The following DMRT2 variants were observed in gnomAD, a reference collection of about 807,000 sequenced individuals.
DMRT2 encodes the protein doublesex- and mab-3-related transcription factor 2.
In DMRT2, 33 loss-of-function variants were observed where a neutral mutation model predicts 43.5. That is an observed-to-expected ratio of 0.76 (90% CI 0.58 to 1.01). The LOEUF is 1.01. Ranked by LOEUF, DMRT2 falls within the 50% of genes least tolerant of loss-of-function variation. The pLI is 0.00. For synonymous variants in DMRT2, 395 were observed against 309.2 expected (o/e 1.28, Z -2.91); for missense variants, 1,064 against 748.0 (o/e 1.42, Z -4.93).
At chr9:1,053,977 T>C (rs913857100) in intron 3 of DMRT2, among the ~76,000 whole-genome samples, 153 bp downstream of exon 3, 4 of 152,210 alleles carry the variant, frequency 2.6e-5, no homozygotes, top group Admixed American at 2.6e-4. Context: ...GCTGAGCCCG[T>C]ACGCTAAAAC....
Position 1,056,050 on chromosome 9 carries a change from T to C in DMRT2, c.629-166T>C, listed in dbSNP as rs542434676. The C allele has an allele frequency of 2.8e-6, 4 of 1,430,864 alleles. No individual in the cohort carries two copies. The South Asian group carries it at 6.6e-5, about 23-fold the overall frequency. 88.6% of individuals were successfully genotyped at this position (1,430,864 alleles called of 1,614,324 possible). The stretch of plus-strand genomic sequence containing the variant: ...GATATCTTTCACCCTCCCAGGAAAC[T>C]CTTTCAAACCTAATCTGTACTTTTG... On this transcript the variant is annotated intron_variant, in intron 3 of 3. Coordinates refer to ENST00000358146, the MANE Select transcript of DMRT2 (RefSeq NM_181872.6).
At position 1,052,030 on chromosome 9, in the gene DMRT2, G is replaced by A. The variant is rs964673440; in HGVS notation, c.417G>A (p.Lys139=). ...TGGTGTCCTGCCTGAAGGGCCACAA[G>A]CGCTTCTGTCGCTGGCGCGACTGCC... is the stretch of plus-strand genomic sequence containing the variant. ...HGVVSCLKGH[K]RFCRWRDCQC... is the part of the protein sequence containing the mutation. Residue 139 remains lysine (K), a synonymous_variant, in exon 2 of 4, where the codon AAG becomes AAA. Transcript: ENST00000358146. The A allele has an allele frequency of 3.4e-6, 5 of 1,476,232 alleles. No individual in the cohort carries two copies. The highest frequency in any genetic ancestry group is 2.6e-5 in the South Asian group (2 of 78,186). 91.4% of individuals were successfully genotyped at this position (1,476,232 alleles called of 1,614,324 possible).
chr9:1,051,430 C>G lies in DMRT2; in HGVS notation c.-44-140C>G. On this transcript the variant is annotated intron_variant, in intron 1 of 3. Transcript: ENST00000358146. This position sits in a 1 kb window ranked among gnomAD's most constrained non-coding sequence, Gnocchi z 5.9. ...GGAGATACAGGAAAGGCACGTGTGG[C>G]CTGGAAGTGAGGGACATGTAATGAG... 1 of 987,900 alleles carries G rather than the reference C, an allele frequency of 1.0e-6. No individual in the cohort carries two copies. The highest frequency in any genetic ancestry group is 2.3e-5 in the South Asian group (1 of 44,400). The allele number at this position is 987,900 out of a possible 1,614,324, so 61.2% of individuals were successfully genotyped here.
At chr9:1,055,613 A>C (rs1821923654) in intron 3 of DMRT2, 273 of 969,506 alleles carry the variant, frequency 2.8e-4, no homozygotes, top group Non-Finnish European at 3.5e-4. Flanking sequence ...GTGTTTGACT[A>C]GTTAACAGCT....
intron 3 of DMRT2, chr9:1,055,660 CT>C (rs537878305): frequency 1.5e-4 from 208 of 1,400,900 alleles, no homozygotes; most frequent in South Asian, 5.3e-4. Flanking sequence ...TTTCTTAAGC[CT>C]TTTTTTTCTT....
At position 1,051,453 on chromosome 9, in the gene DMRT2, G is replaced by A. The variant is rs1220423197; in HGVS notation, c.-44-117G>A. 2 of 1,233,800 alleles carry A rather than the reference G, an allele frequency of 1.6e-6. No individual in the cohort carries two copies. Among genetic ancestry groups the A allele is most frequent in the South Asian group, 3.6e-5 (2 of 55,524 alleles). The allele number at this position is 1,233,800 out of a possible 1,614,324, so 76.4% of individuals were successfully genotyped here. A position where few individuals can be genotyped will look rare whatever the true frequency, so the allele number is the denominator to read the frequency against. On this transcript the variant is annotated intron_variant, in intron 1 of 3. Transcript: ENST00000358146. This position sits in a 1 kb window ranked among gnomAD's most constrained non-coding sequence, Gnocchi z 5.9. ...GGCCTGGAAGTGAGGGACATGTAAT[G>A]AGAACAGGATGACTCAAGCGGCCGG...
rs1376280802 is a variant in DMRT2, at chr9:1,056,079, C to T, written c.629-137C>T. 7.5e-6 allele frequency: 11 copies of T among 1,471,774 alleles called. No individual in the cohort carries two copies. In the East Asian group the frequency reaches 2.6e-4, roughly 34 times the overall value. 91.2% of individuals were successfully genotyped at this position (1,471,774 alleles called of 1,614,324 possible). Reference sequence around the variant, plus strand: ...TCAAACCTAATCTGTACTTTTGCATCTGTATAAAAATATCAGTGAGATGGA... The same window carrying T: ...TCAAACCTAATCTGTACTTTTGCATTTGTATAAAAATATCAGTGAGATGGA... On this transcript the variant is annotated intron_variant, in intron 3 of 3. Coordinates refer to ENST00000358146, the MANE Select transcript of DMRT2 (RefSeq NM_181872.6).
intron 2 of DMRT2, among the ~76,000 whole-genome samples, chr9:1,052,478 G>A (rs185143198): frequency 6.6e-6 from 1 of 152,034 alleles, no homozygotes; most frequent in African/African-American, 2.4e-5. Context: ...GGGGGCTTGG[G>A]GGGAGAGTGG....
rs1240005022 is a variant in DMRT2, at chr9:1,051,217, A to G, written c.-44-353A>G. Reference sequence around the variant, plus strand: ...TACTAGTTGAGTATGGGGAAATCCGACAAGTGGCCTGGGGCTGCCTATTTG... The same window carrying G: ...TACTAGTTGAGTATGGGGAAATCCGGCAAGTGGCCTGGGGCTGCCTATTTG... On this transcript the variant is annotated intron_variant, in intron 1 of 3. Transcript: ENST00000358146. The surrounding 1 kb of genome is among the most constrained non-coding windows in gnomAD (Gnocchi z 5.9). 6.6e-6 allele frequency among the ~76,000 whole-genome samples: 1 copy of G among 152,148 alleles called. No individual in the cohort carries two copies. Among genetic ancestry groups the G allele is most frequent in the Non-Finnish European group, 1.5e-5 (1 of 68,024 alleles).
rs944994027 is a variant in DMRT2, at chr9:1,056,654, A to G, written c.1067A>G (p.Tyr356Cys). ...KCGPISDTLL[Y>C]QQCLLNATTS... ...GGCCCCATTAGCGACACCCTCCTCT[A>G]CCAGCAATGCCTGCTAAATGCCACC... Residue 356 changes from tyrosine (Y) to cysteine (C), a missense_variant, in exon 4 of 4, where the codon TAC (tyrosine) becomes TGC (cysteine). Tyr to Cys is a radical substitution (Grantham distance 194). Coordinates refer to ENST00000358146, the MANE Select transcript of DMRT2 (RefSeq NM_181872.6). 5 of 1,614,010 alleles carry G rather than the reference A, an allele frequency of 3.1e-6. No homozygotes were observed. In the African/African-American group the frequency reaches 6.7e-5, roughly 22 times the overall value.
In DMRT2 at chr9:1,057,280, G is replaced by C. The variant is rs765155889; in HGVS notation, c.*7G>C. 5 of 1,594,930 alleles carry C rather than the reference G, an allele frequency of 3.1e-6. No individual in the cohort carries two copies. Among genetic ancestry groups the C allele is most frequent in the Admixed American group, 1.8e-5 (1 of 54,842 alleles). On this transcript the variant is annotated 3_prime_UTR_variant, in exon 4 of 4. Transcript: ENST00000358146. Reference sequence around the variant, plus strand: ...CACTCGTGTCTCTCAGTGAAAGGCTGCTTAAACAGAAAGCTGGATTTTCTG... The same window carrying C: ...CACTCGTGTCTCTCAGTGAAAGGCTCCTTAAACAGAAAGCTGGATTTTCTG...
chr9:1,053,531 C>T (rs959829440), intron 2 of DMRT2, among the ~76,000 whole-genome samples, 191 bp from the exon 3 acceptor site: 5 of 152,214 alleles, frequency 3.3e-5, no homozygotes, highest in African/African-American at 4.8e-5. Context: ...AGCTGAGGTT[C>T]CAGCTCCTTG....
rs536849805 is a variant in DMRT2 at position 1,050,649 on chromosome 9, C to G, written c.-171C>G. The G allele has an allele frequency of 6.6e-6, 1 of 152,504 alleles. No homozygotes were observed. The highest frequency in any genetic ancestry group is 2.4e-5 in the African/African-American group (1 of 41,464). The allele number at this position is 152,504 out of a possible 1,614,324, so 9.4% of individuals were successfully genotyped here. A position where few individuals can be genotyped will look rare whatever the true frequency, so the allele number is the denominator to read the frequency against. ...TTCGTTCCGGGCCTCCAGCTATCAG[C>G]TCCCGATCTCGTGTTTGAGGGTAGC... On this transcript the variant is annotated 5_prime_UTR_variant, in exon 1 of 4. Coordinates refer to ENST00000358146, the MANE Select transcript of DMRT2 (RefSeq NM_181872.6).
chr9:1,052,835 T>A (rs907134724), intron 2 of DMRT2, among the ~76,000 whole-genome samples: 1 of 152,194 alleles, frequency 6.6e-6, no homozygotes, highest in African/African-American at 2.4e-5. Flanking sequence ...CATGTGCGCC[T>A]GGACAGGGAG....
At position 1,057,246 on chromosome 9, in the gene DMRT2, A is replaced by G. The variant is rs780429301; in HGVS notation, c.1659A>G (p.Ser553=). The part of the protein sequence containing the change: ...FSVESILKRP[S]SAITRVSQ ...TTGAGTCTATTCTTAAGAGGCCTTC[A>G]TCTGCCATCACTCGTGTCTCTCAGT... Residue 553 remains serine (S), a synonymous_variant, in exon 4 of 4, where the codon TCA becomes TCG. Coordinates refer to ENST00000358146, the MANE Select transcript of DMRT2 (RefSeq NM_181872.6). The G allele has an allele frequency of 6.2e-7, 1 of 1,612,468 alleles. No homozygotes were observed. Among genetic ancestry groups the G allele is most frequent in the Non-Finnish European group, 8.5e-7 (1 of 1,179,384 alleles).
At position 1,051,684 on chromosome 9, in the gene DMRT2, A is replaced by C. The variant is rs747095088; in HGVS notation, c.71A>C (p.Glu24Ala). Residue 24 changes from glutamate to alanine, a missense_variant, in exon 2 of 4, where the codon GAG becomes GCG. Physicochemically the swap from Glu to Ala is moderately radical, Grantham distance 107. Transcript: ENST00000358146. This position sits in a 1 kb window ranked among gnomAD's most constrained non-coding sequence, Gnocchi z 5.9. ...GATGTCGAGAGCCTGGAGCTGGAAG[A>C]GGACGTCTGCGGGGCGCCGCGGTCC... ...EIDVESLELE[E>A]DVCGAPRSTP... 1 of 1,566,714 alleles carries C rather than the reference A, an allele frequency of 6.4e-7. No individual in the cohort carries two copies. The highest frequency in any genetic ancestry group is 1.2e-5 in the South Asian group (1 of 86,890).
intron 3 of DMRT2, among the ~76,000 whole-genome samples, chr9:1,054,374 A>T (rs998452156): frequency 2.0e-5 from 3 of 151,918 alleles, no homozygotes; most frequent in Non-Finnish European, 2.9e-5. Flanking sequence ...TTAGTCTGGA[A>T]GTTCAACCTC....
rs904523092 is a variant in DMRT2, at chr9:1,054,635, T to G, written c.628+811T>G. 5 of 152,208 alleles carry G rather than the reference T, an allele frequency of 3.3e-5. No individual in the cohort carries two copies. In the East Asian group the frequency reaches 9.6e-4, roughly 29 times the overall value. The allele number at this position is 152,208 out of a possible 1,614,324, so 9.4% of individuals were successfully genotyped here. On this transcript the variant is annotated intron_variant, in intron 3 of 3. Coordinates refer to ENST00000358146, the MANE Select transcript of DMRT2 (RefSeq NM_181872.6). ...TTTTTCTTAAAATATTACTCATTTT[T>G]AAAAGCATCTCTATTTGGGTATGGA...
In DMRT2 at chr9:1,057,259, C is replaced by A. The variant is rs764328228; in HGVS notation, c.1672C>A (p.Arg558Ser). 9 of 1,609,858 alleles carry A rather than the reference C, an allele frequency of 5.6e-6. No homozygotes were observed. Among genetic ancestry groups the A allele is most frequent in the East Asian group, 2.2e-5 (1 of 44,848 alleles). The change falls in exon 4 of 4, where the codon CGT becomes AGT. Residue 558 changes from arginine (R) to serine (S), a missense_variant. Transcript: ENST00000358146. ...ILKRPSSAIT[R>S]VSQ ...TAAGAGGCCTTCATCTGCCATCACT[C>A]GTGTCTCTCAGTGAAAGGCTGCTTA...
Sources: allele counts gnomAD v4.1 joint callset (sites outside exome capture counted in the v4.1 genomes callset), GRCh38; gene constraint gnomAD v4.1.1; non-coding constraint Gnocchi (gnomAD v3.1); transcripts MANE v1.5; gene names NCBI Gene and HGNC (gene_info 2026-07-23, HGNC 2026-07-21).